ZPBP: variants seen among roughly 807,000 people sequenced by gnomAD.
ZPBP encodes zona pellucida binding protein, also known as zona pellucida-binding protein 1.
Under a neutral mutation model 44.8 loss-of-function variants are expected in ZPBP, and 26 were observed. The ratio of observed to expected loss-of-function variants is 0.58; its 90% CI spans 0.43 to 0.81. The LOEUF (loss-of-function observed/expected upper bound fraction) is 0.81, where lower values mean the gene tolerates loss of function less well. ZPBP is among the 30% of genes least tolerant of loss of function. ZPBP has a pLI of 0.00. For synonymous variants in ZPBP, 174 were observed against 153.2 expected (o/e 1.14, Z -1.00); for missense variants, 409 against 434.0 (o/e 0.94, Z 0.51).
At chr7:49,920,456 T>TAAAAC (rs1004710004) in intron 1 of ZPBP, 2 of 152,150 alleles carry the variant, frequency 1.3e-5, no homozygotes, top group Non-Finnish European at 2.9e-5. Context: ...AGGGTCTGAT[T>TAAAAC]AAAACAAAAC....
At chr7:49,969,628 G>T (rs1251506493) in intron 7 of ZPBP, among the ~76,000 whole-genome samples, 1 of 151,534 alleles carries the variant, frequency 6.6e-6, no homozygotes, top group Non-Finnish European at 1.5e-5. Flanking sequence ...AACCTGATTA[G>T]AAAAGTATGA....
At chr7:49,949,113 C>T (rs1795223324) in intron 7 of ZPBP, among the ~76,000 whole-genome samples, 1 of 152,108 alleles carries the variant, frequency 6.6e-6, no homozygotes, top group African/African-American at 2.4e-5. Flanking sequence ...CATGAATATG[C>T]ACCAAGGAAA....
intron 2 of ZPBP, among the ~76,000 whole-genome samples, chr7:49,874,381 G>C (rs1791306631): frequency 6.6e-6 from 1 of 152,170 alleles, no homozygotes; most frequent in Non-Finnish European, 1.5e-5. Flanking sequence ...TGCCGTGCAG[G>C]TTTGTAGCCT....
chr7:49,917,885 T>C (rs1253250016), intron 1 of ZPBP: 1 of 152,184 alleles, frequency 6.6e-6, no homozygotes, highest in East Asian at 1.9e-4. Context: ...TATATTTACA[T>C]TGTCAAATAA....
At chr7:50,054,710 G>C (rs1401340880) in intron 4 of ZPBP, among the ~76,000 whole-genome samples, 1 of 152,016 alleles carries the variant, frequency 6.6e-6, no homozygotes, top group Non-Finnish European at 1.5e-5. Context: ...ACCACTTGTA[G>C]TTTATATAAA....
chr7:50,021,015 C>T (rs1264422926), intron 5 of ZPBP, among the ~76,000 whole-genome samples: 1 of 151,958 alleles, frequency 6.6e-6, no homozygotes, highest in Non-Finnish European at 1.5e-5. Flanking sequence ...AACTACAACT[C>T]ATACAAGCAA....
chr7:49,949,829 T>C (rs529983585), intron 7 of ZPBP, among the ~76,000 whole-genome samples: 1 of 151,982 alleles, frequency 6.6e-6, no homozygotes, highest in Non-Finnish European at 1.5e-5. Flanking sequence ...AAAAGTGATA[T>C]ATACACATTC....
Position 49,908,809 on chromosome 7 carries a change from C to T in ZPBP, n.412-7594G>A, listed in dbSNP as rs1454489647. On this transcript the variant is annotated intron_variant and non_coding_transcript_variant, in intron 1 of 2. Coordinates refer to the ZPBP transcript ENST00000465922. ...AAAGACATGAGAGCTAGCTTGAAGT[C>T]CAGATCTCCCATTAGCCAAATTTTG... 2.0e-5 allele frequency among the ~76,000 whole-genome samples: 3 copies of T among 152,090 alleles called. No individual in the cohort carries two copies. In the East Asian group the frequency reaches 5.8e-4, roughly 29 times the overall value.
chr7:50,031,390 C>A, intron 4 of ZPBP, 80 bp from the exon 5 acceptor site: 1 of 1,052,616 alleles, frequency 9.5e-7, no homozygotes, highest in South Asian at 1.5e-5. Flanking sequence ...TAAGAAATAT[C>A]ATTATTTGGT....
At chr7:49,851,772 C>T (rs996243908) in intron 2 of ZPBP, among the ~76,000 whole-genome samples, 5 of 151,990 alleles carry the variant, frequency 3.3e-5, no homozygotes, top group South Asian at 4.1e-4. Context: ...TAAGGAGAAT[C>T]GCTTGAACCC....
At chr7:50,056,611 T>C (rs943062047) in intron 4 of ZPBP, among the ~76,000 whole-genome samples, 1 of 152,212 alleles carries the variant, frequency 6.6e-6, no homozygotes, top group Non-Finnish European at 1.5e-5. Context: ...GTCCCACCAG[T>C]GAGATGGAAC....
intron 1 of ZPBP, chr7:49,919,845 T>C (rs1393310857): frequency 6.6e-6 from 1 of 152,220 alleles, no homozygotes; most frequent in African/African-American, 2.4e-5. Flanking sequence ...CATTTTAAGA[T>C]AGGCATCAGT....
Position 49,995,448 on chromosome 7 carries a change from G to A in ZPBP, c.784-11929C>T, listed in dbSNP as rs919832172. Reference sequence around the variant, plus strand: ...TAATCTGCCCAAGCAATAAAACCACGTTTGGTATAACAGCTGCAACTGGAA... The same window carrying A: ...TAATCTGCCCAAGCAATAAAACCACATTTGGTATAACAGCTGCAACTGGAA... On this transcript the variant is annotated intron_variant, in intron 6 of 7. Transcript: ENST00000046087. 7.9e-5 allele frequency among the ~76,000 whole-genome samples: 12 copies of A among 152,314 alleles called. No individual in the cohort carries two copies. The South Asian group carries it at 1.4e-3, about 18-fold the overall frequency.
At chr7:50,035,820 C>T (rs1329999397) in intron 4 of ZPBP, among the ~76,000 whole-genome samples, 1 of 151,582 alleles carries the variant, frequency 6.6e-6, no homozygotes, top group Non-Finnish European at 1.5e-5. Context: ...AAATGTAAAC[C>T]CTCAAAATGT....
At chr7:49,952,717 A>T (rs1795400762) in intron 7 of ZPBP, among the ~76,000 whole-genome samples, 1 of 152,010 alleles carries the variant, frequency 6.6e-6, no homozygotes, top group East Asian at 1.9e-4. Flanking sequence ...ATCTTTCGAA[A>T]CTAAGGGTAA....
chr7:49,924,099 G>C (rs1794134747), intron 1 of ZPBP, among the ~76,000 whole-genome samples: 1 of 151,828 alleles, frequency 6.6e-6, no homozygotes, highest in African/African-American at 2.4e-5. Flanking sequence ...CTCCAGCCTA[G>C]GTGACAGAGC....
At chr7:50,080,638 T>C (rs1802309947) in intron 3 of ZPBP, among the ~76,000 whole-genome samples, 1 of 151,598 alleles carries the variant, frequency 6.6e-6, no homozygotes, top group Non-Finnish European at 1.5e-5. Flanking sequence ...ATGTAAAACA[T>C]ATTTAAAACA....
intron 7 of ZPBP, among the ~76,000 whole-genome samples, chr7:49,981,530 A>G (rs1583972256): frequency 1.3e-5 from 1 of 78,918 alleles, no homozygotes; most frequent in African/African-American, 5.8e-5. Flanking sequence ...TATAATATAT[A>G]TTATAATTTT....
intron 4 of ZPBP, among the ~76,000 whole-genome samples, chr7:50,051,488 G>A (rs975288387): frequency 5.3e-5 from 8 of 152,098 alleles, no homozygotes; most frequent in African/African-American, 1.4e-4. Flanking sequence ...GCACTGATAC[G>A]TTCATTGAAG....
Sources: gnomAD v4.1 joint callset for allele counts (sites outside exome capture counted in the v4.1 genomes callset) on GRCh38, gnomAD v4.1.1 for gene constraint, MANE v1.5 for transcripts, NCBI Gene and HGNC (gene_info 2026-07-23, HGNC 2026-07-21) for gene names.